Variants in SIPA1L1 observed in about 807,000 individuals in gnomAD.
SIPA1L1 encodes signal-induced proliferation-associated 1-like protein 1.
In SIPA1L1, 26 loss-of-function variants were observed where a neutral mutation model predicts 162.7. The ratio of observed to expected loss-of-function variants is 0.16; its 90% CI spans 0.12 to 0.22. The LOEUF is 0.22. Among genes scored for constraint, SIPA1L1 ranks in the 10% least tolerant of loss-of-function variants. The pLI is 1.00. For synonymous variants in SIPA1L1, 829 were observed against 837.4 expected (o/e 0.99, Z 0.17); for missense variants, 1,874 against 2,241.0 (o/e 0.84, Z 3.31).
At chr14:71,345,477 T>C (rs2036062298) in intron 2 of SIPA1L1, among the ~76,000 whole-genome samples, 1 of 152,192 alleles carries the variant, frequency 6.6e-6, no homozygotes, top group Non-Finnish European at 1.5e-5. Context: ...TGGGGGAGCT[T>C]TGCCAAAGCA....
At chr14:71,557,394 T>A (rs920363817) in intron 4 of SIPA1L1, among the ~76,000 whole-genome samples, 1 of 152,234 alleles carries the variant, frequency 6.6e-6, no homozygotes, top group Middle Eastern at 3.2e-3. Flanking sequence ...ACTAAGTCCT[T>A]ACCACCCATT....
intron 2 of SIPA1L1, among the ~76,000 whole-genome samples, chr14:71,392,379 T>G (rs2040829560): frequency 6.6e-6 from 1 of 152,224 alleles, no homozygotes; most frequent in Non-Finnish European, 1.5e-5. Flanking sequence ...TGCCTTTCAG[T>G]GCCTTGCTGT....
chr14:71,635,523 A>G (rs1273809003), intron 7 of SIPA1L1, among the ~76,000 whole-genome samples: 1 of 152,234 alleles, frequency 6.6e-6, no homozygotes, highest in Non-Finnish European at 1.5e-5. Context: ...CTTCGCTTCA[A>G]TTGGTAAAAC....
intron 2 of SIPA1L1, among the ~76,000 whole-genome samples, chr14:71,491,523 G>T (rs544409786): frequency 6.6e-5 from 10 of 151,152 alleles, no homozygotes; most frequent in African/African-American, 2.0e-4. Flanking sequence ...CAACCTGTTT[G>T]TTGTTGTTGT....
intron 10 of SIPA1L1, among the ~76,000 whole-genome samples, chr14:71,668,446 A>T (rs1439586942): frequency 6.6e-6 from 1 of 152,236 alleles, no homozygotes; most frequent in South Asian, 2.1e-4. Flanking sequence ...CCGGAGGTTC[A>T]TGAAGATGTC....
rs200110212 is a variant in SIPA1L1 at position 71,571,256 on chromosome 14, G to A, written c.-302-16315G>A. Reference sequence around the variant, plus strand: ...AGATAAAGAAATGGAGGGTGCAGGAGAAAAAAATAAGAAAGTGTTCAGGTG... The same window carrying A: ...AGATAAAGAAATGGAGGGTGCAGGAAAAAAAAATAAGAAAGTGTTCAGGTG... On this transcript the variant is annotated intron_variant, in intron 4 of 23. Coordinates refer to ENST00000381232, the MANE Select transcript of SIPA1L1 (RefSeq NM_001386936.1). 8.6e-5 allele frequency among the ~76,000 whole-genome samples: 13 copies of A among 151,858 alleles called. No homozygotes were observed. In the East Asian group the frequency reaches 2.5e-3, roughly 29 times the overall value.
intron 17 of SIPA1L1, among the ~76,000 whole-genome samples, chr14:71,716,287 A>G (rs750556257): frequency 2.0e-5 from 3 of 152,168 alleles, no homozygotes; most frequent in Non-Finnish European, 4.4e-5. Context: ...TCTGTCACCC[A>G]AAGGCTTGTT....
At chr14:71,701,215 T>C (rs1017796796) in intron 14 of SIPA1L1, among the ~76,000 whole-genome samples, 1 of 151,986 alleles carries the variant, frequency 6.6e-6, no homozygotes, top group African/African-American at 2.4e-5. Context: ...CTTCCTATTG[T>C]TTATCTCCTG....
chr14:71,476,165 T>C (rs1376666533), intron 2 of SIPA1L1, among the ~76,000 whole-genome samples: 1 of 152,216 alleles, frequency 6.6e-6, no homozygotes, highest in African/African-American at 2.4e-5. Context: ...ACAAACTGTA[T>C]GTGTATTGGG....
chr14:71,615,800 A>T (rs1441637330), intron 5 of SIPA1L1, among the ~76,000 whole-genome samples: 1 of 152,166 alleles, frequency 6.6e-6, no homozygotes, highest in Non-Finnish European at 1.5e-5. Context: ...TGAGGTCAGG[A>T]GTTCGAGACC....
chr14:71,587,576 G>A lies in SIPA1L1; in HGVS notation c.-297G>A. The A allele has an allele frequency of 2.4e-6, 1 of 417,346 alleles. No individual in the cohort carries two copies. Among genetic ancestry groups the A allele is most frequent in the Non-Finnish European group, 4.2e-6 (1 of 235,942 alleles). 25.9% of individuals were successfully genotyped at this position (417,346 alleles called of 1,614,324 possible). ...ATTATCCTTTTCTCTTTTAGAGAAAGCATGGGATTATGGCAACCACAGAAT... is the reference window on the plus strand; with the variant it reads ...ATTATCCTTTTCTCTTTTAGAGAAAACATGGGATTATGGCAACCACAGAAT... On this transcript the variant is annotated 5_prime_UTR_variant, in exon 5 of 24. Transcript: ENST00000381232.
At chr14:71,453,171 C>G (rs1201158622) in intron 2 of SIPA1L1, among the ~76,000 whole-genome samples, 1 of 152,210 alleles carries the variant, frequency 6.6e-6, no homozygotes, top group Non-Finnish European at 1.5e-5. Flanking sequence ...TGCTTTCTGG[C>G]TTTAGTGCAG....
At chr14:71,585,783 G>A (rs1389881265) in intron 4 of SIPA1L1, among the ~76,000 whole-genome samples, 1 of 152,162 alleles carries the variant, frequency 6.6e-6, no homozygotes, top group African/African-American at 2.4e-5. Context: ...TATTATTTAT[G>A]CTATGTAGAG....
rs150892797 is a variant in SIPA1L1, at chr14:71,447,774, G to A, written c.-464-64969G>A. On this transcript the variant is annotated intron_variant, in intron 2 of 23. Coordinates refer to ENST00000381232, the MANE Select transcript of SIPA1L1 (RefSeq NM_001386936.1). The stretch of plus-strand genomic sequence containing the variant: ...AGTAGAGACGGGATTTTACCATGTT[G>A]CTCAGGCTGGTCTCGAACTCCTGAG... 1.9e-3 allele frequency among the ~76,000 whole-genome samples: 286 copies of A among 151,958 alleles called. 1 individual carries two copies. The highest frequency in any genetic ancestry group is 6.5e-3 in the African/African-American group (270 of 41,422).
chr14:71,396,550 C>T (rs2041219007), intron 2 of SIPA1L1, among the ~76,000 whole-genome samples: 1 of 152,228 alleles, frequency 6.6e-6, no homozygotes, highest in East Asian at 1.9e-4. Context: ...TCTTTAGAAA[C>T]GAGCATGTCC....
At chr14:71,607,290 A>G (rs2037641967) in intron 5 of SIPA1L1, among the ~76,000 whole-genome samples, 1 of 151,266 alleles carries the variant, frequency 6.6e-6, no homozygotes, top group Non-Finnish European at 1.5e-5. Context: ...AAAAGCCTGC[A>G]TGGTGTGGTG....
chr14:71,663,189 T>G (rs1000954378), intron 10 of SIPA1L1, among the ~76,000 whole-genome samples: 3 of 152,230 alleles, frequency 2.0e-5, no homozygotes, highest in Admixed American at 2.0e-4. Context: ...AATTTATACA[T>G]TTTATTTACT....
intron 2 of SIPA1L1, among the ~76,000 whole-genome samples, chr14:71,421,018 TC>T (rs1369466967): frequency 6.6e-6 from 1 of 152,204 alleles, no homozygotes; most frequent in East Asian, 1.9e-4. Context: ...TTCTCTTCTC[TC>T]CCTTTTTTCA....
At chr14:71,675,051 A>G (rs372215676) in intron 12 of SIPA1L1, among the ~76,000 whole-genome samples, 1 of 152,208 alleles carries the variant, frequency 6.6e-6, no homozygotes, top group South Asian at 2.1e-4. Flanking sequence ...GCTGGGGTGA[A>G]GAAAACTTTA....
Sources: gnomAD v4.1 joint callset for allele counts (sites outside exome capture counted in the v4.1 genomes callset) on GRCh38, gnomAD v4.1.1 for gene constraint, MANE v1.5 for transcripts, NCBI Gene and HGNC (gene_info 2026-07-23, HGNC 2026-07-21) for gene names.